Variants in RBMS3 observed in about 807,000 individuals in gnomAD.
RBMS3 encodes RNA binding motif single stranded interacting protein 3.
Under a neutral mutation model 66.8 loss-of-function variants are expected in RBMS3, and 27 were observed. The ratio of observed to expected loss-of-function variants is 0.40; its 90% confidence interval spans 0.30 to 0.56. The LOEUF is 0.56. RBMS3 is among the 20% of genes least tolerant of loss of function. The pLI, the probability that RBMS3 is intolerant of heterozygous loss-of-function variation, is 0.40. For missense variants in RBMS3, 513 were observed against 549.5 expected, an observed-to-expected ratio of 0.93 and a Z score of 0.66; for synonymous variants, 188 against 183.0, an observed-to-expected ratio of 1.03 and a Z score of -0.22.
intron 12 of RBMS3, among the ~76,000 whole-genome samples, chr3:29,964,364 A>T (rs754320616): frequency 3.3e-5 from 5 of 152,212 alleles, no homozygotes; most frequent in Non-Finnish European, 7.3e-5. Context: ...CAATCAGGTA[A>T]GAAAGTAGAG....
Position 29,775,604 on chromosome 3 carries a change from A to G in RBMS3, c.637+12615A>G, listed in dbSNP as rs576868365. Among the ~76,000 whole-genome samples the G allele has an allele frequency of 2.6e-5, 4 of 152,176 alleles. No homozygotes were observed. The East Asian group carries it at 5.8e-4, about 22-fold the overall frequency. On this transcript the variant is annotated intron_variant, in intron 6 of 14. Transcript: ENST00000383767. ...ACATGGGAGCTGTGTTATCATCATA[A>G]GAACTATTCTGTGTTGCTTCTTTTA...
At chr3:29,747,390 G>GTAGGTAGA (rs1553655867) in intron 5 of RBMS3, among the ~76,000 whole-genome samples, 22 of 141,160 alleles carry the variant, frequency 1.6e-4, no homozygotes, top group African/African-American at 5.7e-4. Flanking sequence ...AGGTAGGTAG[G>GTAGGTAGA]TAGATAGATA....
chr3:29,925,556 T>C (rs1425065978), intron 10 of RBMS3, among the ~76,000 whole-genome samples: 1 of 152,176 alleles, frequency 6.6e-6, no homozygotes, highest in Non-Finnish European at 1.5e-5. Context: ...ATATTACTAA[T>C]ATTATTCCAA....
chr3:29,862,147 A>G (rs2059230702), intron 6 of RBMS3, among the ~76,000 whole-genome samples: 1 of 152,232 alleles, frequency 6.6e-6, no homozygotes, highest in South Asian at 2.1e-4. Context: ...TTATGGAGCC[A>G]GTCATAACCA....
chr3:29,644,487 G>A (rs1280303140), intron 4 of RBMS3, among the ~76,000 whole-genome samples: 2 of 152,178 alleles, frequency 1.3e-5, no homozygotes, highest in African/African-American at 2.4e-5. Context: ...TGTGGACCTA[G>A]AGCCTAACGT....
chr3:29,942,509 T>TGAAA (rs2061415128), intron 11 of RBMS3, among the ~76,000 whole-genome samples: 2 of 151,022 alleles, frequency 1.3e-5, no homozygotes, highest in South Asian at 4.2e-4. Flanking sequence ...AATGATGGAG[T>TGAAA]GAAACCCTGT....
At chr3:29,303,844 C>T (rs1245803008) in intron 1 of RBMS3, among the ~76,000 whole-genome samples, 2 of 151,900 alleles carry the variant, frequency 1.3e-5, no homozygotes, top group African/African-American at 4.8e-5. Context: ...ACTTACAGTC[C>T]CACGTGGCTG....
At chr3:29,297,590 G>A (rs76534179) in intron 1 of RBMS3, among the ~76,000 whole-genome samples, 156 of 151,798 alleles carry the variant, frequency 1.0e-3, no homozygotes, top group African/African-American at 3.6e-3. Flanking sequence ...TTTCTTTATT[G>A]TTATTTTGTT....
chr3:29,468,785 A>G (rs972658029), intron 2 of RBMS3, among the ~76,000 whole-genome samples: 1 of 152,020 alleles, frequency 6.6e-6, no homozygotes, highest in African/African-American at 2.4e-5. Context: ...AGCTAGAAAA[A>G]TCTTCTTCAG....
At chr3:29,775,448 C>T (rs534825653) in intron 6 of RBMS3, among the ~76,000 whole-genome samples, 15 of 151,884 alleles carry the variant, frequency 9.9e-5, no homozygotes, top group Non-Finnish European at 1.9e-4. Flanking sequence ...ATTTAAGCAG[C>T]GTGTGTGGCA....
intron 8 of RBMS3, among the ~76,000 whole-genome samples, chr3:29,891,970 T>C (rs923188497): frequency 2.6e-5 from 4 of 151,548 alleles, no homozygotes; most frequent in African/African-American, 9.7e-5. Context: ...TAAATAGGAT[T>C]TGCTTTTTGT....
At chr3:29,366,244 AC>A (rs1325945395) in intron 1 of RBMS3, among the ~76,000 whole-genome samples, 4 of 152,240 alleles carry the variant, frequency 2.6e-5, no homozygotes, top group Non-Finnish European at 5.9e-5. Flanking sequence ...AAATATGATT[AC>A]TTTGTTAAGT....
At chr3:29,293,408 G>A (rs1462606914) in intron 1 of RBMS3, among the ~76,000 whole-genome samples, 1 of 151,772 alleles carries the variant, frequency 6.6e-6, no homozygotes, top group Middle Eastern at 3.2e-3. Flanking sequence ...GGCCACTAAT[G>A]TGCCTGAGGA....
chr3:29,524,172 A>G (rs929212775), intron 3 of RBMS3, among the ~76,000 whole-genome samples: 2 of 152,186 alleles, frequency 1.3e-5, no homozygotes, highest in Non-Finnish European at 2.9e-5. Context: ...AGATGAAGAA[A>G]CAGGTTCATA....
intron 1 of RBMS3, among the ~76,000 whole-genome samples, chr3:29,299,713 G>T (rs2033540780): frequency 6.6e-6 from 1 of 151,770 alleles, no homozygotes; most frequent in African/African-American, 2.4e-5. Flanking sequence ...AATTATATGG[G>T]AGGATATGCA....
At chr3:29,517,007 G>T (rs2044652924) in intron 3 of RBMS3, among the ~76,000 whole-genome samples, 1 of 151,946 alleles carries the variant, frequency 6.6e-6, no homozygotes, top group Non-Finnish European at 1.5e-5. Context: ...GAGCCCAAAA[G>T]TCCGAGAACA....
chr3:29,947,142 G>A (rs578003333), intron 12 of RBMS3, among the ~76,000 whole-genome samples: 2 of 151,700 alleles, frequency 1.3e-5, no homozygotes, highest in East Asian at 3.9e-4. Context: ...CTACAATGTA[G>A]TTAGCAAAAT....
intron 12 of RBMS3, among the ~76,000 whole-genome samples, chr3:29,976,664 C>T (rs1396420344): frequency 6.6e-6 from 1 of 152,106 alleles, no homozygotes; most frequent in East Asian, 1.9e-4. Context: ...CATGGTCTCT[C>T]ATCCCTTGAG....
chr3:29,363,083 C>G (rs954741574), intron 1 of RBMS3, among the ~76,000 whole-genome samples: 3 of 152,246 alleles, frequency 2.0e-5, no homozygotes, highest in African/African-American at 7.2e-5. Flanking sequence ...TGAGTGTCTG[C>G]TTTTTTAGTT....
Sources: allele counts gnomAD v4.1 joint callset (sites outside exome capture counted in the v4.1 genomes callset), GRCh38; gene constraint gnomAD v4.1.1; transcripts MANE v1.5; gene names NCBI Gene and HGNC (gene_info 2026-07-23, HGNC 2026-07-21).